The following KMT2C variants were observed in gnomAD, a reference collection of about 807,000 sequenced individuals.
KMT2C encodes lysine methyltransferase 2C.
KMT2C carries 88 observed loss-of-function variants against 507.9 expected under a neutral mutation model. The ratio of observed to expected loss-of-function variants is 0.17; its 90% confidence interval spans 0.15 to 0.21. The LOEUF (loss-of-function observed/expected upper bound fraction) is 0.21, where lower values mean the gene tolerates loss of function less well. KMT2C is among the 10% of genes least tolerant of loss of function. The pLI is 1.00. For missense variants in KMT2C, 4,954 were observed against 5,957.8 expected (o/e 0.83, Z 5.55); for synonymous variants, 2,049 against 2,080.8 (o/e 0.98, Z 0.42).
chr7:152,384,555 C>CACT (rs201408165), intron 1 of KMT2C, among the ~76,000 whole-genome samples: 6,076 of 78,548 alleles, frequency 0.077, 864 homozygotes, highest in African/African-American at 0.18. Context: ...ATAACACCAC[C>CACT]ACCACCACCA....
intron 18 of KMT2C, 116 bp downstream of exon 18, chr7:152,229,807 T>C (rs2095052333): frequency 1.9e-6 from 1 of 532,822 alleles, no homozygotes. Context: ...ATTTAAATAC[T>C]GTCACATATG....
intron 40 of KMT2C, among the ~76,000 whole-genome samples, chr7:152,169,489 G>A (rs1188857973): frequency 6.6e-6 from 1 of 152,088 alleles, no homozygotes; most frequent in African/African-American, 2.4e-5. Flanking sequence ...AAACAATTAT[G>A]CTTGAGGTAA....
chr7:152,191,052 T>A (rs1475756764), intron 31 of KMT2C, among the ~76,000 whole-genome samples: 1 of 152,208 alleles, frequency 6.6e-6, no homozygotes, highest in Non-Finnish European at 1.5e-5. Context: ...ATAAATCAGA[T>A]GAGTTAAGCA....
At chr7:152,209,449 C>T (rs984146364) in intron 23 of KMT2C, among the ~76,000 whole-genome samples, 39 of 123,196 alleles carry the variant, frequency 3.2e-4, no homozygotes, top group African/African-American at 1.3e-3. Context: ...AGCGGGACTC[C>T]GTCTCAAAAA....
rs1175312304 is a variant in KMT2C, at chr7:152,311,856, T to C, written c.681A>G (p.Glu227=). ...SDDQAGKLWD[E]LSLVGLPDAI... is the part of the protein sequence containing the mutation. ...CATCTGGAAGCCCAACCAGACTGAG[T>C]TCATCCCACAGTTTACCAGCTTGAT... The change falls in exon 5 of 59, where the codon GAA becomes GAG. Residue 227 remains glutamate (E), a synonymous_variant. Transcript: ENST00000262189. The C allele has an allele frequency of 1.2e-6, 2 of 1,611,924 alleles. No individual in the cohort carries two copies. The highest frequency in any genetic ancestry group is 1.3e-5 in the African/African-American group (1 of 74,992).
At chr7:152,423,006 G>T (rs1425076152) in intron 1 of KMT2C, among the ~76,000 whole-genome samples, 1 of 141,240 alleles carries the variant, frequency 7.1e-6, no homozygotes, top group East Asian at 2.1e-4. Context: ...AACAGAGCGA[G>T]ACTCTCATCT....
At chr7:152,337,582 A>T (rs1003648325) in intron 2 of KMT2C, among the ~76,000 whole-genome samples, 13 of 152,294 alleles carry the variant, frequency 8.5e-5, no homozygotes, top group Admixed American at 8.5e-4. Context: ...AATGGTTCCG[A>T]GTCTGCATTC....
chr7:152,361,995 G>C lies in KMT2C; in HGVS notation c.162-3320C>G, dbSNP rs1033176575. On this transcript the variant is annotated intron_variant, in intron 1 of 58. Transcript: ENST00000262189. ...ACTCTATCAATCTTCCTTTGTGTCTGACTCTGTTCAAACACAGTGGATACA... is the reference window on the plus strand; with the variant it reads ...ACTCTATCAATCTTCCTTTGTGTCTCACTCTGTTCAAACACAGTGGATACA... Among the ~76,000 whole-genome samples, 5 of 152,046 alleles carry C rather than the reference G, an allele frequency of 3.3e-5. No individual in the cohort carries two copies. The South Asian group carries it at 6.2e-4, about 19-fold the overall frequency.
chr7:152,309,485 G>A (rs530455092), intron 6 of KMT2C, among the ~76,000 whole-genome samples: 7 of 144,834 alleles, frequency 4.8e-5, no homozygotes, highest in East Asian at 4.0e-4. Flanking sequence ...CAGCATGCCC[G>A]GCTAATTTTT....
At chr7:152,364,970 C>CAA (rs398006772) in intron 1 of KMT2C, among the ~76,000 whole-genome samples, 1 of 151,204 alleles carries the variant, frequency 6.6e-6, no homozygotes, top group East Asian at 1.9e-4. Context: ...CACACACACA[C>CAA]GTACCAGTAA....
chr7:152,412,700 T>C (rs1052938191), intron 1 of KMT2C, among the ~76,000 whole-genome samples: 2 of 152,130 alleles, frequency 1.3e-5, no homozygotes, highest in South Asian at 2.1e-4. Flanking sequence ...CTAGCTTAAA[T>C]GCACAGTGGT....
intron 23 of KMT2C, among the ~76,000 whole-genome samples, chr7:152,218,836 A>G (rs1364528950): frequency 6.6e-6 from 1 of 152,208 alleles, no homozygotes; most frequent in Non-Finnish European, 1.5e-5. Context: ...CAGAGCCTTT[A>G]CATCGGCTTC....
At chr7:152,167,094 C>G in intron 42 of KMT2C, 52 bp downstream of exon 42, 1 of 1,411,270 alleles carries the variant, frequency 7.1e-7, no homozygotes, top group East Asian at 2.3e-5. Flanking sequence ...CACACCAAAA[C>G]ATTCTACTCA....
chr7:152,304,103 A>G (rs6953012), intron 6 of KMT2C, among the ~76,000 whole-genome samples: 9,624 of 152,212 alleles, frequency 0.063, 1,072 homozygotes, highest in African/African-American at 0.22. Flanking sequence ...AATTTACAAA[A>G]TACTGCAACC....
At chr7:152,415,756 T>C (rs1402765539) in intron 1 of KMT2C, among the ~76,000 whole-genome samples, 2 of 152,176 alleles carry the variant, frequency 1.3e-5, no homozygotes, top group African/African-American at 2.4e-5. Context: ...GGTGGATGCC[T>C]GTAATCCCAG....
intron 1 of KMT2C, among the ~76,000 whole-genome samples, chr7:152,393,810 T>G (rs1269176105): frequency 6.7e-6 from 1 of 148,808 alleles, no homozygotes; most frequent in Non-Finnish European, 1.5e-5. Flanking sequence ...GAGAATCGCT[T>G]GAACCCAGGA....
chr7:152,227,468 T>C (rs2094967156), intron 18 of KMT2C, among the ~76,000 whole-genome samples: 1 of 152,170 alleles, frequency 6.6e-6, no homozygotes, highest in African/African-American at 2.4e-5. Flanking sequence ...TGGGACAAAG[T>C]GTATGATACA....
At chr7:152,169,914 C>T (rs2092888073) in intron 40 of KMT2C, among the ~76,000 whole-genome samples, 1 of 152,106 alleles carries the variant, frequency 6.6e-6, no homozygotes, top group Non-Finnish European at 1.5e-5. Flanking sequence ...CTTATTTCTT[C>T]CAGGTGACTG....
intron 26 of KMT2C, among the ~76,000 whole-genome samples, chr7:152,200,833 T>C (rs550383895): frequency 9.3e-4 from 142 of 152,242 alleles, no homozygotes; most frequent in Non-Finnish European, 1.9e-3. Flanking sequence ...ATACTACCCT[T>C]TGAGAAAAGA....
Sources: gnomAD v4.1 joint callset for allele counts (sites outside exome capture counted in the v4.1 genomes callset) on GRCh38, gnomAD v4.1.1 for gene constraint, MANE v1.5 for transcripts, NCBI Gene and HGNC (gene_info 2026-07-23, HGNC 2026-07-21) for gene names.